The following FHAD1 variants were observed in gnomAD, a reference collection of about 807,000 sequenced individuals.
FHAD1 encodes forkhead associated phosphopeptide binding domain 1, also known as forkhead-associated domain-containing protein 1.
Under a neutral mutation model 191.3 loss-of-function variants are expected in FHAD1, and 146 were observed. The observed-to-expected ratio is 0.76, with a 90% CI of 0.67 to 0.88. FHAD1 has a LOEUF of 0.88. FHAD1 is among the 40% of genes least tolerant of loss of function. FHAD1 has a pLI of 0.00. For missense variants in FHAD1, 1,635 were observed against 1,785.8 expected (o/e 0.92, Z 1.52); for synonymous variants, 616 against 672.3 (o/e 0.92, Z 1.29).
intron 26 of FHAD1, among the ~76,000 whole-genome samples, chr1:15,370,498 G>T (rs1464016443): frequency 2.6e-5 from 4 of 152,098 alleles, no homozygotes; most frequent in African/African-American, 9.7e-5. Flanking sequence ...CTCCTCTTGT[G>T]CAATGCTGTC....
chr1:15,305,858 G>C (rs866982353), intron 6 of FHAD1: 2 of 386,558 alleles, frequency 5.2e-6, no homozygotes, highest in Admixed American at 5.9e-5. Flanking sequence ...CCAGTATCGG[G>C]TATGGCTTTA....
chr1:15,310,937 G>T (rs1299776537), intron 7 of FHAD1, among the ~76,000 whole-genome samples: 1 of 152,044 alleles, frequency 6.6e-6, no homozygotes, highest in East Asian at 1.9e-4. Context: ...AACAAGGTGC[G>T]GATTTCCTCA....
At chr1:15,247,910 G>T (rs1032215061) in intron 1 of FHAD1, among the ~76,000 whole-genome samples, 3 of 152,154 alleles carry the variant, frequency 2.0e-5, no homozygotes, top group Admixed American at 1.3e-4. Context: ...TTGCATGGTC[G>T]GTGCCCTGTG....
At position 15,291,057 on chromosome 1, in the gene FHAD1, T is replaced by A. The variant is rs138672439; in HGVS notation, c.568+1391T>A. 2.6e-3 allele frequency among the ~76,000 whole-genome samples: 390 copies of A among 152,006 alleles called. 2 individuals are homozygous for A. The highest frequency in any genetic ancestry group is 0.014 in the Middle Eastern group (4 of 288). On this transcript the variant is annotated intron_variant, in intron 4 of 33. Coordinates refer to ENST00000688493, the MANE Select transcript of FHAD1 (RefSeq NM_001391957.1). ...AAACATACAGCAAAGTAAAAATAAT[T>A]TTACAGTGACCCCCTCCCCACCTAA... is the stretch of plus-strand genomic sequence containing the variant.
At chr1:15,338,386 C>T (rs879395875) in intron 14 of FHAD1, among the ~76,000 whole-genome samples, 5 of 152,178 alleles carry the variant, frequency 3.3e-5, no homozygotes, top group Non-Finnish European at 5.9e-5. Flanking sequence ...AGCGATGTGG[C>T]ATCTTCCAGT....
Position 15,296,784 on chromosome 1 carries a change from G to T in FHAD1, c.669G>T (p.Gln223His). The change falls in exon 5 of 34, where the codon CAG becomes CAT. Residue 223 changes from glutamine (Q) to histidine (H), a missense_variant. Coordinates refer to ENST00000688493, the MANE Select transcript of FHAD1 (RefSeq NM_001391957.1). Reference protein sequence around the residue: ...AEIYVEEDLAQQDKDEIILLL... With the variant: ...AEIYVEEDLAHQDKDEIILLL... ...TTTATGTGGAGGAGGACTTGGCCCA[G>T]CAGGACAAGGTGAGGGAGGGGTCTG... The T allele has an allele frequency of 6.4e-7, 1 of 1,551,456 alleles. No homozygotes were observed.
At chr1:15,271,179 A>G (rs7539674) in intron 2 of FHAD1, among the ~76,000 whole-genome samples, 144,405 of 144,654 alleles carry the variant, frequency 1, 72,078 homozygotes, top group Non-Finnish European at 1. Flanking sequence ...TGGGCGTGGT[A>G]GCACATGCCT....
chr1:15,299,205 AAAAAAAAAAAAAGG>A (rs1174001586), intron 5 of FHAD1, among the ~76,000 whole-genome samples: 4 of 147,232 alleles, frequency 2.7e-5, no homozygotes, highest in African/African-American at 7.9e-5. Flanking sequence ...GTCTCAAAAA[AAAAAAAAAAAAAGG>A]AAAAAAAAAA....
chr1:15,382,856 G>C (rs74526023), intron 31 of FHAD1, among the ~76,000 whole-genome samples: 3 of 152,340 alleles, frequency 2.0e-5, no homozygotes, highest in East Asian at 1.9e-4. Context: ...GGATGAGAGG[G>C]TGGACATTCC....
Position 15,379,057 on chromosome 1 carries a change from C to T in FHAD1, c.3706-1644C>T, listed in dbSNP as rs960574161. 7.2e-5 allele frequency among the ~76,000 whole-genome samples: 11 copies of T among 152,074 alleles called. No individual in the cohort carries two copies. The South Asian group carries it at 1.0e-3, about 14-fold the overall frequency. On this transcript the variant is annotated intron_variant, in intron 28 of 33. Transcript: ENST00000688493. Reference sequence around the variant, plus strand: ...GCCCTCCACACCTGTGGGTGTTTCTCGTAAGGTGGAACGAGAGACTTGGAA... The same window carrying T: ...GCCCTCCACACCTGTGGGTGTTTCTTGTAAGGTGGAACGAGAGACTTGGAA...
chr1:15,301,213 A>C lies in FHAD1; in HGVS notation c.687A>C (p.Ile229=). 1 of 1,551,700 alleles carries C rather than the reference A, an allele frequency of 6.4e-7. No individual in the cohort carries two copies. ...EDLAQQDKDE[I]ILLLGKEVSR... is the part of the protein sequence containing the mutation. ...ATCTGATCTCTACCCAGGATGAAATAATTCTGCTGCTGGGAAAAGAGGTCA... is the reference window on the plus strand; with the variant it reads ...ATCTGATCTCTACCCAGGATGAAATCATTCTGCTGCTGGGAAAAGAGGTCA... Residue 229 remains isoleucine, a synonymous_variant, in exon 6 of 34, where the codon ATA becomes ATC. Coordinates refer to ENST00000688493, the MANE Select transcript of FHAD1 (RefSeq NM_001391957.1).
At chr1:15,360,338 C>T (rs2496328) in intron 21 of FHAD1, 140 bp from the exon 22 acceptor site, 106,832 of 666,030 alleles carry the variant, frequency 0.16, 8,964 homozygotes, top group Admixed American at 0.2. Context: ...GGAAGAAGTG[C>T]ACAGGGCAGA....
At chr1:15,374,719 T>C in intron 27 of FHAD1, 88 bp downstream of exon 27, 1 of 1,486,706 alleles carries the variant, frequency 6.7e-7, no homozygotes. Context: ...CTACCATGTT[T>C]TATCTGCATC....
intron 31 of FHAD1, among the ~76,000 whole-genome samples, chr1:15,386,832 T>C (rs912819578): frequency 1.4e-5 from 2 of 147,926 alleles, no homozygotes; most frequent in African/African-American, 5.2e-5. Flanking sequence ...CTCTTTTTCT[T>C]TTTTTTTCCT....
chr1:15,245,929 T>C (rs1357657328), upstream of FHAD1, among the ~76,000 whole-genome samples: 1 of 152,230 alleles, frequency 6.6e-6, no homozygotes, highest in Admixed American at 6.5e-5. Flanking sequence ...ATGTCCATGA[T>C]TTCTCTCTCA....
chr1:15,309,282 G>GATTCATTC (rs537939587), intron 7 of FHAD1, among the ~76,000 whole-genome samples: 241 of 152,278 alleles, frequency 1.6e-3, no homozygotes, highest in African/African-American at 5.4e-3. Flanking sequence ...TCTTAGCCTG[G>GATTCATTC]ATTCATTCAT....
Position 15,307,931 on chromosome 1 carries a change from C to T in FHAD1, c.916-682C>T, listed in dbSNP as rs186422028. 1.4e-3 allele frequency among the ~76,000 whole-genome samples: 216 copies of T among 152,238 alleles called. 2 individuals are homozygous for T. The highest frequency in any genetic ancestry group is 3.8e-3 in the African/African-American group (158 of 41,560). On this transcript the variant is annotated intron_variant, in intron 6 of 33. Coordinates refer to ENST00000688493, the MANE Select transcript of FHAD1 (RefSeq NM_001391957.1). ...ATTTTTAGTAGAGACAGGGTTTCAC[C>T]GTGTTAGCCAAGATGGTCTTGATCT...
At chr1:15,346,009 T>C (rs890598776) in intron 18 of FHAD1, among the ~76,000 whole-genome samples, 1 of 152,132 alleles carries the variant, frequency 6.6e-6, no homozygotes, top group East Asian at 1.9e-4. Flanking sequence ...GTCAAACTCT[T>C]ACGCCCCGGA....
intron 27 of FHAD1, 139 bp from the exon 28 acceptor site, chr1:15,375,464 C>G (rs1466686407): frequency 7.7e-6 from 6 of 777,166 alleles, no homozygotes; most frequent in Admixed American, 6.4e-5. Context: ...CTCTCTAGGA[C>G]TGTGTCCTCA....
Sources: gnomAD v4.1 joint callset for allele counts (sites outside exome capture counted in the v4.1 genomes callset) on GRCh38, gnomAD v4.1.1 for gene constraint, MANE v1.5 for transcripts, NCBI Gene and HGNC (gene_info 2026-07-23, HGNC 2026-07-21) for gene names.